Variants in SERGEF observed in about 807,000 individuals in gnomAD.
The protein encoded by SERGEF is secretion-regulating guanine nucleotide exchange factor.
SERGEF carries 51 observed loss-of-function variants against 50.0 expected under a neutral mutation model. That is an observed-to-expected ratio of 1.02 (90% confidence interval 0.81 to 1.29). The LOEUF (loss-of-function observed/expected upper bound fraction) is 1.29. Among genes scored for constraint, SERGEF ranks in the 50% most tolerant of loss-of-function variants. The pLI is 0.00. For missense variants in SERGEF, 521 were observed against 557.0 expected, an observed-to-expected ratio of 0.94 and a Z score of 0.65; for synonymous variants, 205 against 212.4, an observed-to-expected ratio of 0.97 and a Z score of 0.30.
intron 9 of SERGEF, among the ~76,000 whole-genome samples, chr11:17,880,843 T>C (rs1851321935): frequency 6.6e-6 from 1 of 152,236 alleles, no homozygotes; most frequent in Non-Finnish European, 1.5e-5. Context: ...AAGATATTTT[T>C]TCTACTATTC....
intron 9 of SERGEF, among the ~76,000 whole-genome samples, chr11:17,894,844 G>C (rs1055434160): frequency 6.6e-6 from 1 of 152,162 alleles, no homozygotes; most frequent in Admixed American, 6.5e-5. Context: ...TCCTTCAGAC[G>C]TTAAGAATTT....
At position 17,862,516 on chromosome 11, in the gene SERGEF, C is replaced by A. The variant is rs555609477; in HGVS notation, c.1048+15692G>T. 7.9e-5 allele frequency among the ~76,000 whole-genome samples: 12 copies of A among 152,300 alleles called. No individual in the cohort carries two copies. The East Asian group carries it at 2.3e-3, about 29-fold the overall frequency. ...ATTCATGAATGGACAAATAGGCAAA[C>A]CGAATGTTGCTAAAGCACTGCCCAG... On this transcript the variant is annotated intron_variant, in intron 10 of 10. Coordinates refer to ENST00000265965, the MANE Select transcript of SERGEF (RefSeq NM_012139.4).
chr11:17,968,121 T>G (rs1349978772), intron 8 of SERGEF, among the ~76,000 whole-genome samples: 2 of 152,222 alleles, frequency 1.3e-5, no homozygotes, highest in Non-Finnish European at 2.9e-5. Flanking sequence ...TGATCTTTTC[T>G]TATTCTCTCA....
At chr11:17,931,099 G>A (rs1259279038) in intron 9 of SERGEF, among the ~76,000 whole-genome samples, 1 of 152,030 alleles carries the variant, frequency 6.6e-6, no homozygotes, top group Non-Finnish European at 1.5e-5. Context: ...CCCTGAAACA[G>A]CTATCATTTA....
In SERGEF at chr11:18,013,013, G is replaced by T. The variant is rs1334322346; in HGVS notation, c.-3C>A. ...GAGGCGCTGGGCTCGCGCTCCATGC[G>T]AGGACGCTCCGCCGGCGCTTCCGGG... On this transcript the variant is annotated 5_prime_UTR_variant, in exon 1 of 11. Coordinates refer to ENST00000265965, the MANE Select transcript of SERGEF (RefSeq NM_012139.4). The surrounding 1 kb of genome is among the most constrained non-coding windows in gnomAD (Gnocchi z 4.3). 1.4e-6 allele frequency: 2 copies of T among 1,386,078 alleles called. No individual in the cohort carries two copies. The highest frequency in any genetic ancestry group is 1.6e-5 in the South Asian group (1 of 61,024). 85.9% of individuals were successfully genotyped at this position (1,386,078 alleles called of 1,614,324 possible). A position where few individuals can be genotyped will look rare whatever the true frequency, so the allele number is the denominator to read the frequency against.
At chr11:17,902,328 G>A (rs1008217262) in intron 9 of SERGEF, among the ~76,000 whole-genome samples, 4 of 152,172 alleles carry the variant, frequency 2.6e-5, no homozygotes, top group Non-Finnish European at 2.9e-5. Context: ...AAGGACAGAG[G>A]ACCAGAAGAT....
At chr11:17,876,882 T>C (rs2133896989) in intron 10 of SERGEF, among the ~76,000 whole-genome samples, 1 of 152,362 alleles carries the variant, frequency 6.6e-6, no homozygotes, top group African/African-American at 2.4e-5. Flanking sequence ...GCAGTTCCGG[T>C]ATAAAGTATC....
In SERGEF at chr11:17,888,329, G is replaced by A. The variant is rs982054431; in HGVS notation, c.1012-10085C>T. On this transcript the variant is annotated intron_variant, in intron 9 of 10. Transcript: ENST00000265965. This position sits in a 1 kb window ranked among gnomAD's most constrained non-coding sequence, Gnocchi z 4.1. The stretch of plus-strand genomic sequence containing the variant: ...ATAAATAATATAACTGCTCTGAAGG[G>A]GGTCAGAATAACTCTTGAACACAGT... 6.6e-6 allele frequency among the ~76,000 whole-genome samples: 1 copy of A among 152,100 alleles called. No individual in the cohort carries two copies. Among genetic ancestry groups the A allele is most frequent in the African/African-American group, 2.4e-5 (1 of 41,420 alleles).
intron 9 of SERGEF, among the ~76,000 whole-genome samples, chr11:17,917,844 G>C (rs1017284470): frequency 1.3e-5 from 2 of 152,160 alleles, no homozygotes; most frequent in African/African-American, 4.8e-5. Context: ...GAAATCCCCA[G>C]GTGATTCATA....
At chr11:17,883,854 G>A (rs1851379423) in intron 9 of SERGEF, among the ~76,000 whole-genome samples, 2 of 152,180 alleles carry the variant, frequency 1.3e-5, no homozygotes, top group South Asian at 4.1e-4. Flanking sequence ...CTGCAAAGTG[G>A]CAACAAAGTT....
chr11:18,010,198 T>C lies in SERGEF; in HGVS notation c.61-2122A>G, dbSNP rs892646464. ...ACAAATACATATATACATACTTACA[T>C]ACATACATACATAATCCTTCCCCTT... On this transcript the variant is annotated intron_variant, in intron 1 of 10. Coordinates refer to ENST00000265965, the MANE Select transcript of SERGEF (RefSeq NM_012139.4). The C allele has an allele frequency of 1.4e-5, 9 of 635,988 alleles. No individual in the cohort carries two copies. The African/African-American group carries it at 1.7e-4, about 12-fold the overall frequency. The allele number at this position is 635,988 out of a possible 1,614,324, so 39.4% of individuals were successfully genotyped here.
intron 8 of SERGEF, among the ~76,000 whole-genome samples, chr11:17,960,304 C>T (rs1465559675): frequency 1.3e-5 from 2 of 152,138 alleles, no homozygotes; most frequent in African/African-American, 2.4e-5. Context: ...AGATGCACCA[C>T]ATGGGAAGCT....
chr11:17,830,655 A>AGAGAGAGT, intron 10 of SERGEF, among the ~76,000 whole-genome samples: 2 of 125,274 alleles, frequency 1.6e-5, no homozygotes, highest in East Asian at 5.7e-4. Flanking sequence ...GGAGGGAGAG[A>AGAGAGAGT]GAGAGAGAGA....
intron 3 of SERGEF, among the ~76,000 whole-genome samples, chr11:18,005,370 G>A (rs900343893): frequency 6.6e-6 from 1 of 152,144 alleles, no homozygotes; most frequent in African/African-American, 2.4e-5. Context: ...GCTGGGATTC[G>A]AGTCCATCAG....
intron 8 of SERGEF, among the ~76,000 whole-genome samples, chr11:17,981,920 C>T (rs895972891): frequency 1.3e-5 from 2 of 152,168 alleles, no homozygotes; most frequent in East Asian, 3.8e-4. Flanking sequence ...CCTGCCCCAG[C>T]CTCCCAAGTA....
intron 10 of SERGEF, among the ~76,000 whole-genome samples, chr11:17,810,629 C>G (rs1440945920): frequency 6.6e-6 from 1 of 152,184 alleles, no homozygotes; most frequent in East Asian, 1.9e-4. Context: ...CTTTATTTCA[C>G]CTGTCCATGT....
At chr11:17,918,888 G>C in intron 9 of SERGEF, 1 of 343,746 alleles carries the variant, frequency 2.9e-6, no homozygotes, top group Non-Finnish European at 5.7e-6. Context: ...AGAACTGCAA[G>C]TTATCCCCTT....
intron 2 of SERGEF, among the ~76,000 whole-genome samples, chr11:18,007,535 C>T (rs1031568478): frequency 4.6e-5 from 7 of 152,204 alleles, no homozygotes; most frequent in African/African-American, 1.7e-4. Flanking sequence ...TTGTTAAGTG[C>T]TATCCTAGAT....
intron 9 of SERGEF, chr11:17,918,711 G>A (rs549070098): frequency 2.2e-6 from 1 of 454,852 alleles, no homozygotes; most frequent in Admixed American, 2.4e-5. Flanking sequence ...GAAGTTCAGA[G>A]AATGAAGTGA....
Sources: allele counts gnomAD v4.1 joint callset (sites outside exome capture counted in the v4.1 genomes callset), GRCh38; gene constraint gnomAD v4.1.1; non-coding constraint Gnocchi (gnomAD v3.1); transcripts MANE v1.5; gene names NCBI Gene and HGNC (gene_info 2026-07-23, HGNC 2026-07-21).